Variants in ZDHHC11B observed in about 807,000 individuals in gnomAD.
The protein encoded by ZDHHC11B is probable palmitoyltransferase ZDHHC11B.
ZDHHC11B carries 17 observed loss-of-function variants against 42.3 expected under a neutral mutation model. The ratio of observed to expected loss-of-function variants is 0.40; its 90% CI spans 0.27 to 0.60. The LOEUF (loss-of-function observed/expected upper bound fraction) is 0.60, where lower values mean the gene tolerates loss of function less well. Ranked by LOEUF, ZDHHC11B falls within the 20% of genes least tolerant of loss-of-function variation. ZDHHC11B has a pLI of 0.41. For missense variants in ZDHHC11B, 262 were observed against 463.2 expected (o/e 0.57, Z 3.99); for synonymous variants, 123 against 193.5 (o/e 0.64, Z 3.02).
chr5:733,592 T>A (rs1743230890), intron 11 of ZDHHC11B, among the ~76,000 whole-genome samples, 160 bp downstream of exon 11: 1 of 151,402 alleles, frequency 6.6e-6, no homozygotes, highest in Non-Finnish European at 1.5e-5. Flanking sequence ...TCCATCTCTC[T>A]TCTGTGCTCC....
intron 12 of ZDHHC11B, among the ~76,000 whole-genome samples, chr5:729,733 A>T (rs1742872094): frequency 6.6e-6 from 1 of 151,824 alleles, no homozygotes; most frequent in Non-Finnish European, 1.5e-5. Context: ...GCTGCTTTTC[A>T]AAATATAAAG....
chr5:733,748 T>C lies in ZDHHC11B; in HGVS notation c.1023+4A>G. ...AGGGTGCATTGCTGGTGACTGCAAC[T>C]TACCTGTGCCTTCGAATCCCCGTCC... is the stretch of plus-strand genomic sequence containing the variant. On this transcript the variant is annotated splice_donor_region_variant and intron_variant, in intron 11 of 13. Coordinates refer to ENST00000508859, the MANE Select transcript of ZDHHC11B (RefSeq NM_001351303.2). 1.2e-6 allele frequency: 2 copies of C among 1,610,014 alleles called. No individual in the cohort carries two copies. The highest frequency in any genetic ancestry group is 1.7e-6 in the Non-Finnish European group (2 of 1,178,296).
At chr5:733,452 C>A (rs1057125325) in intron 11 of ZDHHC11B, among the ~76,000 whole-genome samples, 1 of 151,682 alleles carries the variant, frequency 6.6e-6, no homozygotes, top group Non-Finnish European at 1.5e-5. Context: ...ATGTTCTGGG[C>A]ACTTCAGACC....
At chr5:770,679 G>C (rs1414289710) in intron 1 of ZDHHC11B, among the ~76,000 whole-genome samples, 1 of 152,030 alleles carries the variant, frequency 6.6e-6, no homozygotes, top group Non-Finnish European at 1.5e-5. Context: ...CTTTAGGCTG[G>C]GGAGGGTGTG....
At chr5:763,649 C>T (rs1165755988) in intron 4 of ZDHHC11B, among the ~76,000 whole-genome samples, 1 of 151,674 alleles carries the variant, frequency 6.6e-6, no homozygotes, top group African/African-American at 2.4e-5. Flanking sequence ...CCCCATGGCA[C>T]GTGGGCTCCT....
In ZDHHC11B at chr5:733,772, C is replaced by T; in HGVS notation, c.1003G>A (p.Asp335Asn). The stretch of plus-strand genomic sequence containing the variant: ...CTTACCTGTGCCTTCGAATCCCCGT[C>T]CTGGTTTACTGAAGTGCAGAAGTGA... ...PCHFCTSVNQDGDSKAQEADD... is the reference protein window; with the variant it reads ...PCHFCTSVNQNGDSKAQEADD... The change falls in exon 11 of 14, where the codon GAC becomes AAC. Residue 335 changes from aspartate (D) to asparagine (N), a missense_variant. Coordinates refer to ENST00000508859, the MANE Select transcript of ZDHHC11B (RefSeq NM_001351303.2). 1.9e-6 allele frequency: 3 copies of T among 1,611,476 alleles called. No homozygotes were observed. The highest frequency in any genetic ancestry group is 1.1e-5 in the South Asian group (1 of 90,960).
chr5:766,974 C>A, intron 3 of ZDHHC11B, 55 bp from the exon 4 acceptor site: 1 of 1,579,428 alleles, frequency 6.3e-7, no homozygotes, highest in Non-Finnish European at 8.6e-7. Flanking sequence ...AGGGCCGGCC[C>A]CACCCACTGT....
intron 1 of ZDHHC11B, among the ~76,000 whole-genome samples, chr5:777,990 C>A (rs549232475): frequency 6.6e-6 from 1 of 151,870 alleles, no homozygotes; most frequent in African/African-American, 2.4e-5. Flanking sequence ...TGAGGCCCCG[C>A]GAGAATTTGA....
chr5:774,468 G>A (rs529069354), intron 1 of ZDHHC11B, among the ~76,000 whole-genome samples: 1 of 152,190 alleles, frequency 6.6e-6, no homozygotes, highest in Non-Finnish European at 1.5e-5. Flanking sequence ...TCAGTCACTA[G>A]GGCCGGGACC....
At chr5:774,396 T>C (rs1736294244) in intron 1 of ZDHHC11B, among the ~76,000 whole-genome samples, 1 of 152,222 alleles carries the variant, frequency 6.6e-6, no homozygotes, top group Non-Finnish European at 1.5e-5. Flanking sequence ...GACCGGGCTC[T>C]GTCACTAGGA....
At chr5:769,784 C>G (rs1735833293) in intron 1 of ZDHHC11B, among the ~76,000 whole-genome samples, 1 of 151,944 alleles carries the variant, frequency 6.6e-6, no homozygotes, top group African/African-American at 2.4e-5. Context: ...AGACTGCTTT[C>G]CAGATTCAAG....
intron 4 of ZDHHC11B, among the ~76,000 whole-genome samples, chr5:762,037 A>G (rs1734695021): frequency 6.7e-6 from 1 of 148,264 alleles, no homozygotes; most frequent in Non-Finnish European, 1.5e-5. Context: ...CTGGAGAGCC[A>G]CTCACAGCCC....
chr5:716,011 T>G (rs1428225845), intron 13 of ZDHHC11B, among the ~76,000 whole-genome samples: 1 of 150,516 alleles, frequency 6.6e-6, no homozygotes, highest in African/African-American at 2.5e-5. Flanking sequence ...AGCTAGCTTT[T>G]GGGAGGTGCC....
At chr5:747,195 C>T (rs1396173916) in intron 8 of ZDHHC11B, among the ~76,000 whole-genome samples, 2 of 104,612 alleles carry the variant, frequency 1.9e-5, no homozygotes, top group Non-Finnish European at 4.1e-5. Context: ...GCTTCAGGAA[C>T]AGGCAGCCTG....
chr5:745,766 C>T (rs1361024408), intron 8 of ZDHHC11B, among the ~76,000 whole-genome samples: 1 of 149,990 alleles, frequency 6.7e-6, no homozygotes, highest in Non-Finnish European at 1.5e-5. Context: ...CTGGGTGGGG[C>T]GCACCTTGGG....
intron 12 of ZDHHC11B, among the ~76,000 whole-genome samples, chr5:718,981 C>T (rs1284451238): frequency 6.6e-6 from 1 of 151,834 alleles, no homozygotes; most frequent in Non-Finnish European, 1.5e-5. Context: ...CTTCCTCCAG[C>T]AGCAACCATT....
At chr5:777,897 A>C (rs423546) in intron 1 of ZDHHC11B, among the ~76,000 whole-genome samples, 101,331 of 149,732 alleles carry the variant, frequency 0.68, 31,254 homozygotes, top group South Asian at 0.79. Context: ...CCCAGCACCG[A>C]GGGAGCCCGG....
At position 766,706 on chromosome 5, in the gene ZDHHC11B, C is replaced by G. The variant is rs531645517; in HGVS notation, c.214G>C (p.Ala72Pro). 6.2e-7 allele frequency: 1 copy of G among 1,608,486 alleles called. No individual in the cohort carries two copies. Among genetic ancestry groups the G allele is most frequent in the East Asian group, 2.2e-5 (1 of 44,772 alleles). Residue 72 changes from alanine (A) to proline (P), a missense_variant, in exon 4 of 14, where the codon GCC becomes CCC. By Grantham distance (27) the Ala-to-Pro change is conservative. This residue lies in a region of ZDHHC11B where 97 missense variants were observed against 98.1 expected (regional missense o/e 0.99). Coordinates refer to ENST00000508859, the MANE Select transcript of ZDHHC11B (RefSeq NM_001351303.2). ...CACGATGAAAAGGATACCACATAGG[C>G]GATGTATTTCCACGAGTGAGGCAGG... ...PLLPHSWKYI[A>P]YVVTGGIFSF...
rs1742943503 is a variant in ZDHHC11B, at chr5:730,522, T to A, written c.1024-54A>T. ...AGGATGAACAAAGACCTTGTTGACATTAAACTTATTCTTAAACAAAATTCA... is the reference window on the plus strand; with the variant it reads ...AGGATGAACAAAGACCTTGTTGACAATAAACTTATTCTTAAACAAAATTCA... On this transcript the variant is annotated intron_variant, in intron 11 of 13. Transcript: ENST00000508859. 3.3e-6 allele frequency: 5 copies of A among 1,517,632 alleles called. No homozygotes were observed. The Admixed American group carries it at 7.4e-5, about 22-fold the overall frequency. The allele number at this position is 1,517,632 out of a possible 1,614,324, so 94.0% of individuals were successfully genotyped here.
Sources: allele counts gnomAD v4.1 joint callset (sites outside exome capture counted in the v4.1 genomes callset), GRCh38; gene constraint gnomAD v4.1.1; regional missense constraint gnomAD v4.1.1; transcripts MANE v1.5; gene names NCBI Gene and HGNC (gene_info 2026-07-23, HGNC 2026-07-21).